Variants in ZNF507 observed in about 807,000 individuals in gnomAD.
ZNF507 encodes zinc finger protein 507.
Under a neutral mutation model 80.0 loss-of-function variants are expected in ZNF507, and 29 were observed. The observed-to-expected ratio is 0.36, with a 90% CI of 0.27 to 0.49. The LOEUF is 0.49. Ranked by LOEUF, ZNF507 falls within the 20% of genes least tolerant of loss-of-function variation. ZNF507 has a pLI of 0.98. For missense variants in ZNF507, 1,081 were observed against 1,152.2 expected (o/e 0.94, Z 0.90); for synonymous variants, 462 against 422.5 (o/e 1.09, Z -1.15).
chr19:32,381,266 A>G (rs1967619177), intron 5 of ZNF507, among the ~76,000 whole-genome samples: 1 of 152,124 alleles, frequency 6.6e-6, no homozygotes, highest in Non-Finnish European at 1.5e-5. Context: ...CAGTGAAACT[A>G]TTCATATGAC....
At chr19:32,372,269 A>G (rs1967484277) in intron 5 of ZNF507, among the ~76,000 whole-genome samples, 1 of 152,184 alleles carries the variant, frequency 6.6e-6, no homozygotes. Context: ...CTATGCAAGT[A>G]ATTTTTTAGA....
Position 32,354,943 on chromosome 19 carries a change from T to C in ZNF507, c.2113T>C (p.Ser705Pro), listed in dbSNP as rs747836526. 5.6e-6 allele frequency: 9 copies of C among 1,606,166 alleles called. No individual in the cohort carries two copies. Among genetic ancestry groups the C allele is most frequent in the Non-Finnish European group, 6.8e-6 (8 of 1,175,752 alleles). The change falls in exon 3 of 7, where the codon TCC (serine) becomes CCC (proline). Residue 705 changes from serine (S) to proline (P), a missense_variant. By Grantham distance (74) the Ser-to-Pro change is moderately conservative (BLOSUM62 -1). Around this residue, in one of 6 missense-constraint regions of ZNF507, gnomAD observed 614 missense variants for 583.9 expected, o/e 1.05. Transcript: ENST00000355898. ...RIYQCKQCEE[S>P]FHYKSQLRNH... ...ATACCAGTGCAAGCAGTGTGAAGAA[T>C]CCTTCCATTATAAGGTAAGCATTGG...
intron 2 of ZNF507, among the ~76,000 whole-genome samples, chr19:32,350,768 C>T (rs1217192948): frequency 6.6e-6 from 1 of 152,116 alleles, no homozygotes; most frequent in Admixed American, 6.5e-5. Context: ...AGCAGAGAGC[C>T]GTATCGTGTT....
chr19:32,365,873 G>A (rs1967391810), intron 5 of ZNF507, among the ~76,000 whole-genome samples: 1 of 152,164 alleles, frequency 6.6e-6, no homozygotes. Context: ...GACATAGTAG[G>A]TGCTCGGTAA....
chr19:32,376,577 T>C (rs1967549857), intron 5 of ZNF507, among the ~76,000 whole-genome samples: 1 of 152,078 alleles, frequency 6.6e-6, no homozygotes, highest in Non-Finnish European at 1.5e-5. Flanking sequence ...AGCAACAAAA[T>C]AAATAGTGCA....
At chr19:32,363,534 GCT>G (rs1967358342) in intron 5 of ZNF507, among the ~76,000 whole-genome samples, 1 of 152,098 alleles carries the variant, frequency 6.6e-6, no homozygotes, top group Non-Finnish European at 1.5e-5. Flanking sequence ...TTGAATCTGA[GCT>G]CTCCCACTTG....
At chr19:32,363,998 T>A (rs1967364011) in intron 5 of ZNF507, among the ~76,000 whole-genome samples, 1 of 152,210 alleles carries the variant, frequency 6.6e-6, no homozygotes, top group African/African-American at 2.4e-5. Context: ...CTAAGCCTCT[T>A]TTCCCATACG....
At chr19:32,371,256 C>T (rs546798144) in intron 5 of ZNF507, among the ~76,000 whole-genome samples, 283 of 152,132 alleles carry the variant, frequency 1.9e-3, no homozygotes, top group African/African-American at 6.5e-3. Context: ...GGGTGGATCA[C>T]CTGAGGCCGA....
At chr19:32,379,618 A>G (rs1967597987) in intron 5 of ZNF507, among the ~76,000 whole-genome samples, 1 of 152,206 alleles carries the variant, frequency 6.6e-6, no homozygotes, top group Admixed American at 6.5e-5. Flanking sequence ...TAACATATGT[A>G]TGTGTATATA....
intron 5 of ZNF507, among the ~76,000 whole-genome samples, chr19:32,371,832 G>A (rs1179270109): frequency 6.6e-6 from 1 of 151,698 alleles, no homozygotes; most frequent in Non-Finnish European, 1.5e-5. Flanking sequence ...GTAGAGACGG[G>A]GTTTCACCGT....
intron 5 of ZNF507, among the ~76,000 whole-genome samples, chr19:32,373,356 G>A (rs1252657962): frequency 6.6e-6 from 1 of 152,112 alleles, no homozygotes; most frequent in African/African-American, 2.4e-5. Context: ...TCGGTGGGGG[G>A]TGGGTCACGT....
intron 5 of ZNF507, among the ~76,000 whole-genome samples, chr19:32,377,416 G>T (rs1053367931): frequency 6.6e-6 from 1 of 152,116 alleles, no homozygotes; most frequent in African/African-American, 2.4e-5. Flanking sequence ...TTTTTCCTAG[G>T]TTATGATTAT....
At position 32,385,423 on chromosome 19, in the gene ZNF507, A is replaced by C. The variant is rs969239838; in HGVS notation, c.*2340A>C. 4 of 152,218 alleles carry C rather than the reference A, an allele frequency of 2.6e-5. No individual in the cohort carries two copies. The highest frequency in any genetic ancestry group is 5.9e-5 in the Non-Finnish European group (4 of 68,042). 9.4% of individuals were successfully genotyped at this position (152,218 alleles called of 1,614,324 possible). ...TCCCTTCCCATTATCATTTTGTGGC[A>C]AGCCTTAAGTTAACAATGTGTCTAC... On this transcript the variant is annotated 3_prime_UTR_variant, in exon 7 of 7. Transcript: ENST00000355898.
chr19:32,365,646 A>T (rs1967388922), intron 5 of ZNF507, among the ~76,000 whole-genome samples: 1 of 152,146 alleles, frequency 6.6e-6, no homozygotes, highest in South Asian at 2.1e-4. Flanking sequence ...CCTGATTTAC[A>T]TCTCCCAGTA....
rs941079284 is a variant in ZNF507, at chr19:32,371,317, A to C, written c.2360+10699A>C. Among the ~76,000 whole-genome samples, 4 of 151,932 alleles carry C rather than the reference A, an allele frequency of 2.6e-5. No homozygotes were observed. In the South Asian group the frequency reaches 8.3e-4, roughly 32 times the overall value. On this transcript the variant is annotated intron_variant, in intron 5 of 6. Coordinates refer to ENST00000355898, the MANE Select transcript of ZNF507 (RefSeq NM_001136156.2). ...TGGAGAAATCCTGTCTCTACTAAAA[A>C]TACAAAATTAGCCAGGTATGGTAGT...
At chr19:32,373,900 A>G (rs1159702219) in intron 5 of ZNF507, among the ~76,000 whole-genome samples, 2 of 152,164 alleles carry the variant, frequency 1.3e-5, no homozygotes, top group African/African-American at 4.8e-5. Context: ...CAGCATAACT[A>G]CATGTTTTGC....
chr19:32,348,725 T>C (rs779821055), intron 2 of ZNF507, among the ~76,000 whole-genome samples: 9 of 152,256 alleles, frequency 5.9e-5, no homozygotes, highest in Non-Finnish European at 8.8e-5. Context: ...AATGTTGTTA[T>C]GTCTAAACAT....
intron 5 of ZNF507, among the ~76,000 whole-genome samples, chr19:32,378,007 AT>A (rs1967573838): frequency 6.6e-6 from 1 of 152,096 alleles, no homozygotes; most frequent in African/African-American, 2.4e-5. Flanking sequence ...CCTGAGGGAC[AT>A]TTTACAAAAT....
rs779163240 is a variant in ZNF507 at position 32,385,142 on chromosome 19, AAAT to A, written c.*2066_*2068del. 1.3e-5 allele frequency: 2 copies of A among 152,284 alleles called. No individual in the cohort carries two copies. The highest frequency in any genetic ancestry group is 6.5e-5 in the Admixed American group (1 of 15,296). 9.4% of individuals were successfully genotyped at this position (152,284 alleles called of 1,614,324 possible). A position where few individuals can be genotyped will look rare whatever the true frequency, so the allele number is the denominator to read the frequency against. On this transcript the variant is annotated 3_prime_UTR_variant, in exon 7 of 7. Coordinates refer to ENST00000355898, the MANE Select transcript of ZNF507 (RefSeq NM_001136156.2). ...GCTTTAGTTTTATATCATATTTAGA[AAAT>A]AATAATGAAAAGCATCCCCAAAATT...
Sources: gnomAD v4.1 joint callset for allele counts (sites outside exome capture counted in the v4.1 genomes callset) on GRCh38, gnomAD v4.1.1 for gene constraint, gnomAD v4.1.1 regional missense constraint, MANE v1.5 for transcripts, NCBI Gene and HGNC (gene_info 2026-07-23, HGNC 2026-07-21) for gene names.